The following EPB41L5 variants were observed in gnomAD, a reference collection of about 807,000 sequenced individuals.
The protein encoded by EPB41L5 is band 4.1-like protein 5.
In EPB41L5, 55 loss-of-function variants were observed where a neutral mutation model predicts 106.6. The ratio of observed to expected loss-of-function variants is 0.52; its 90% CI spans 0.42 to 0.65. The LOEUF (loss-of-function observed/expected upper bound fraction) is 0.65, where lower values mean the gene tolerates loss of function less well. Among genes scored for constraint, EPB41L5 ranks in the 30% least tolerant of loss-of-function variants. The pLI is 0.00. For missense variants in EPB41L5, 871 were observed against 882.1 expected, an observed-to-expected ratio of 0.99 and a Z score of 0.16; for synonymous variants, 297 against 306.7, an observed-to-expected ratio of 0.97 and a Z score of 0.33.
intron 16 of EPB41L5, among the ~76,000 whole-genome samples, chr2:120,115,869 G>T (rs967715700): frequency 6.6e-6 from 1 of 152,294 alleles, no homozygotes; most frequent in Admixed American, 6.5e-5. Flanking sequence ...GAGTGCAGTG[G>T]CACGATCTCA....
intron 20 of EPB41L5, among the ~76,000 whole-genome samples, chr2:120,153,904 G>A (rs1378651583): frequency 6.6e-6 from 1 of 152,130 alleles, no homozygotes; most frequent in African/African-American, 2.4e-5. Context: ...AGTGAGGCTT[G>A]TAGATAACAT....
chr2:120,018,263 G>C (rs752931994), intron 1 of EPB41L5, among the ~76,000 whole-genome samples: 8 of 151,908 alleles, frequency 5.3e-5, no homozygotes, highest in Non-Finnish European at 1.2e-4. Flanking sequence ...CACCGCGCCC[G>C]GCCACTTCTC....
At chr2:120,060,137 A>G (rs950606723) in intron 3 of EPB41L5, among the ~76,000 whole-genome samples, 4 of 152,228 alleles carry the variant, frequency 2.6e-5, no homozygotes, top group African/African-American at 9.6e-5. Context: ...ATGTGCAGAA[A>G]TGGGATCTCT....
chr2:120,121,346 C>T (rs1685207422), intron 16 of EPB41L5, among the ~76,000 whole-genome samples: 1 of 152,104 alleles, frequency 6.6e-6, no homozygotes, highest in Non-Finnish European at 1.5e-5. Context: ...AATGCTATCC[C>T]TCCCCCACTC....
chr2:120,067,078 C>T (rs565706130), intron 3 of EPB41L5, among the ~76,000 whole-genome samples: 44 of 152,196 alleles, frequency 2.9e-4, no homozygotes, highest in Admixed American at 1.4e-3. Context: ...TTAAAGATTG[C>T]TAGATTGAAA....
At chr2:120,033,058 T>C (rs1678821675) in intron 2 of EPB41L5, among the ~76,000 whole-genome samples, 1 of 152,200 alleles carries the variant, frequency 6.6e-6, no homozygotes, top group Admixed American at 6.5e-5. Flanking sequence ...ACAGAACCAA[T>C]TGATTTAGAA....
At position 120,167,515 on chromosome 2, in the gene EPB41L5, C is replaced by T. The variant is rs374009690; in HGVS notation, c.2004+8C>T. 1.2e-6 allele frequency: 2 copies of T among 1,613,458 alleles called. No individual in the cohort carries two copies. The highest frequency in any genetic ancestry group is 2.7e-5 in the African/African-American group (2 of 74,930). On this transcript the variant is annotated splice_region_variant and intron_variant, in intron 23 of 24. Coordinates refer to ENST00000263713, the MANE Select transcript of EPB41L5 (RefSeq NM_020909.4). ...CCCCGGTGGATTGTTCCGGTAAGTTCATGTTATTTGTGATTTTTCTTCTGG... is the reference window on the plus strand; with the variant it reads ...CCCCGGTGGATTGTTCCGGTAAGTTTATGTTATTTGTGATTTTTCTTCTGG...
intron 3 of EPB41L5, among the ~76,000 whole-genome samples, chr2:120,059,759 C>T (rs1486474926): frequency 6.6e-6 from 1 of 152,052 alleles, no homozygotes; most frequent in African/African-American, 2.4e-5. Flanking sequence ...CAAAAAAAGT[C>T]TGCTGCTGTG....
In EPB41L5 at chr2:120,148,265, ATTGT is replaced by A. The variant is rs776531926; in HGVS notation, c.1793+1980_1793+1983del. ...TTACCACTATAATAAATTCTAGAAC[ATTGT>A]TTGAGAATGTTCTAGAAACACCATA... On this transcript the variant is annotated intron_variant, in intron 20 of 24. Transcript: ENST00000263713. 5.3e-5 allele frequency among the ~76,000 whole-genome samples: 8 copies of A among 152,216 alleles called. No homozygotes were observed. In the East Asian group the frequency reaches 5.8e-4, roughly 11 times the overall value.
chr2:120,084,495 C>T (rs1352406885), intron 10 of EPB41L5, among the ~76,000 whole-genome samples: 1 of 152,220 alleles, frequency 6.6e-6, no homozygotes, highest in East Asian at 1.9e-4. Context: ...GAGAGATCTG[C>T]TGTTAGTCTG....
chr2:120,090,351 A>G lies in EPB41L5; in HGVS notation c.878A>G (p.Lys293Arg), dbSNP rs181540730. The change falls in exon 12 of 25, where the codon AAA (lysine) becomes AGA (arginine). Residue 293 changes from lysine (K) to arginine (R), a missense_variant. By Grantham distance (26) the Lys-to-Arg change is conservative (BLOSUM62 2). Coordinates refer to ENST00000263713, the MANE Select transcript of EPB41L5 (RefSeq NM_020909.4). ...LVVVEDDDQGKEQEHTFVFRL... is the reference protein window; with the variant it reads ...LVVVEDDDQGREQEHTFVFRL... ...ATATATACTTTTCTTTTTCAGGGCA[A>G]AGAACAGGAACATACATTTGTCTTT... 6.8e-5 allele frequency: 109 copies of G among 1,595,508 alleles called. No homozygotes were observed. In the Admixed American group the frequency reaches 2.0e-3, roughly 29 times the overall value.
intron 10 of EPB41L5, among the ~76,000 whole-genome samples, chr2:120,082,042 G>A (rs555296738): frequency 0.017 from 2,568 of 152,188 alleles, 33 homozygotes; most frequent in African/African-American, 0.023. Flanking sequence ...ATATACAATC[G>A]TGTCATCTGT....
intron 18 of EPB41L5, among the ~76,000 whole-genome samples, chr2:120,135,332 T>C (rs1418145527): frequency 2.0e-5 from 3 of 152,084 alleles, no homozygotes; most frequent in Non-Finnish European, 4.4e-5. Flanking sequence ...CGAAGAGTTA[T>C]TGGCCTTAAA....
chr2:120,164,861 T>A lies in EPB41L5; in HGVS notation c.1913T>A (p.Leu638Ter), dbSNP rs763469677. ...LKEATDELDA[L>*]LASLTENLID... ...GAAGCTACAGATGAATTGGATGCCT[T>A]GCTTGCATCTCTAACTGAGAATCTA... The change falls in exon 22 of 25, where the codon TTG becomes TAG. Residue 638 changes from leucine (L) to a stop codon, truncating the protein, a stop_gained. Coordinates refer to ENST00000263713, the MANE Select transcript of EPB41L5 (RefSeq NM_020909.4). LOFTEE classifies it high-confidence loss of function. 1.2e-6 allele frequency: 2 copies of A among 1,612,762 alleles called. No individual in the cohort carries two copies. The highest frequency in any genetic ancestry group is 1.7e-6 in the Non-Finnish European group (2 of 1,179,406).
rs34856540 is a variant in EPB41L5 at position 120,055,481 on chromosome 2, AT to A, written c.285+13396del. Among the ~76,000 whole-genome samples, 744 of 85,548 alleles carry A rather than the reference AT, an allele frequency of 8.7e-3. 6 individuals are homozygous for A. Among genetic ancestry groups the A allele is most frequent in the African/African-American group, 0.021 (433 of 20,630 alleles). 56.1% of individuals were successfully genotyped at this position (85,548 alleles called of 152,430 possible). A position where few individuals can be genotyped will look rare whatever the true frequency, so the allele number is the denominator to read the frequency against. Reference sequence around the variant, plus strand: ...TGTCTTTCTCTGTATTAGGTTTTTAATTTTTTTTTTTTTTTTTTTTTTTTTG... The same window carrying A: ...TGTCTTTCTCTGTATTAGGTTTTTAATTTTTTTTTTTTTTTTTTTTTTTTG... On this transcript the variant is annotated intron_variant, in intron 3 of 24. Transcript: ENST00000263713.
intron 21 of EPB41L5, among the ~76,000 whole-genome samples, chr2:120,163,979 A>ATTTTTTT (rs1687268274): frequency 3.8e-4 from 15 of 39,336 alleles, no homozygotes; most frequent in Non-Finnish European, 6.8e-4. Context: ...TTTTGTATTT[A>ATTTTTTT]CTTTTTTTTT....
chr2:120,057,553 A>G (rs1680741757), intron 3 of EPB41L5, among the ~76,000 whole-genome samples: 1 of 152,188 alleles, frequency 6.6e-6, no homozygotes, highest in Non-Finnish European at 1.5e-5. Flanking sequence ...CTATAGCTTA[A>G]GGGAAGATGG....
rs538183746 is a variant in EPB41L5, at chr2:120,167,493, C to T, written c.1990C>T (p.Arg664Trp). The T allele has an allele frequency of 5.6e-5, 91 of 1,613,880 alleles. 1 individual carries two copies. Among genetic ancestry groups the T allele is most frequent in the South Asian group, 5.3e-4 (48 of 91,054 alleles). Residue 664 changes from arginine to tryptophan, a missense_variant, in exon 23 of 25, where the codon CGG becomes TGG. Physicochemically the swap from Arg to Trp is moderately radical, Grantham distance 101. Coordinates refer to ENST00000263713, the MANE Select transcript of EPB41L5 (RefSeq NM_020909.4). ...GTCTTCCACATCCATGATCACACCC[C>T]GGTGGATTGTTCCGGTAAGTTCATG... ...QVSSTSMITP[R>W]WIVPQSGAMS... is the part of the protein sequence containing the mutation.
At chr2:120,097,379 G>T (rs1441400089) in intron 14 of EPB41L5, among the ~76,000 whole-genome samples, 1 of 152,148 alleles carries the variant, frequency 6.6e-6, no homozygotes, top group African/African-American at 2.4e-5. Context: ...TTGAACCATG[G>T]AAAACAGTAC....
Sources: allele counts gnomAD v4.1 joint callset (sites outside exome capture counted in the v4.1 genomes callset), GRCh38; gene constraint gnomAD v4.1.1; transcripts MANE v1.5; gene names NCBI Gene and HGNC (gene_info 2026-07-23, HGNC 2026-07-21).